CERS5: variants seen among roughly 807,000 people sequenced by gnomAD.
CERS5 encodes LAG1 homolog, ceramide synthase 5.
Under a neutral mutation model 58.9 loss-of-function variants are expected in CERS5, and 37 were observed. The ratio of observed to expected loss-of-function variants is 0.63; its 90% CI spans 0.48 to 0.83. The LOEUF (loss-of-function observed/expected upper bound fraction) is 0.83, where lower values mean the gene tolerates loss of function less well. Among genes scored for constraint, CERS5 ranks in the 40% least tolerant of loss-of-function variants. The pLI is 0.00. For synonymous variants in CERS5, 147 were observed against 177.8 expected (o/e 0.83, Z 1.38); for missense variants, 398 against 489.3 (o/e 0.81, Z 1.76).
intron 1 of CERS5, chr12:50,166,261 C>T (rs1277471038): frequency 1.9e-5 from 3 of 157,886 alleles, no homozygotes; most frequent in East Asian, 1.9e-4. Flanking sequence ...AGGCGGAGGT[C>T]GCGGTAAGCC....
In CERS5 at chr12:50,129,298, ATTT is replaced by A. The variant is rs1291645934; in HGVS notation, c.*1244_*1246del. 1 of 152,104 alleles carries A rather than the reference ATTT, an allele frequency of 6.6e-6. No homozygotes were observed. The highest frequency in any genetic ancestry group is 1.5e-5 in the Non-Finnish European group (1 of 68,018). 9.4% of individuals were successfully genotyped at this position (152,104 alleles called of 1,614,324 possible). A position where few individuals can be genotyped will look rare whatever the true frequency, so the allele number is the denominator to read the frequency against. ...TGTAATGAGTCATGTGTTAGTTATTATTTTTATTATTGTTTTATCCAATTGCAT... is the reference window on the plus strand; with the variant it reads ...TGTAATGAGTCATGTGTTAGTTATTATTATTATTGTTTTATCCAATTGCAT... On this transcript the variant is annotated 3_prime_UTR_variant, in exon 10 of 10. Coordinates refer to ENST00000317551, the MANE Select transcript of CERS5 (RefSeq NM_147190.5).
At chr12:50,151,298 G>T (rs1363609112) in intron 1 of CERS5, among the ~76,000 whole-genome samples, 1 of 152,090 alleles carries the variant, frequency 6.6e-6, no homozygotes, top group Non-Finnish European at 1.5e-5. Context: ...TATCTTACTT[G>T]ACCTTTCAGC....
In CERS5 at chr12:50,129,292, GTTA is replaced by G. The variant is rs1207670235; in HGVS notation, c.*1250_*1252del. 4 of 152,074 alleles carry G rather than the reference GTTA, an allele frequency of 2.6e-5. No homozygotes were observed. The highest frequency in any genetic ancestry group is 2.4e-5 in the African/African-American group (1 of 41,406). The allele number at this position is 152,074 out of a possible 1,614,324, so 9.4% of individuals were successfully genotyped here. ...CTAGCATGTAATGAGTCATGTGTTAGTTATTATTTTTATTATTGTTTTATCCAA... is the reference window on the plus strand; with the variant it reads ...CTAGCATGTAATGAGTCATGTGTTAGTTATTTTTATTATTGTTTTATCCAA... On this transcript the variant is annotated 3_prime_UTR_variant, in exon 10 of 10. Transcript: ENST00000317551.
At chr12:50,151,999 C>A (rs1218687941) in intron 1 of CERS5, among the ~76,000 whole-genome samples, 2 of 152,168 alleles carry the variant, frequency 1.3e-5, no homozygotes, top group African/African-American at 4.8e-5. Flanking sequence ...CCTCTATCTC[C>A]TTTGCAGTTT....
intron 1 of CERS5, among the ~76,000 whole-genome samples, chr12:50,147,597 T>C (rs1952363422): frequency 6.6e-6 from 1 of 152,088 alleles, no homozygotes; most frequent in African/African-American, 2.4e-5. Context: ...AAAAATCTAT[T>C]CTCTCTCATG....
chr12:50,146,771 C>T (rs1952296516), intron 1 of CERS5, among the ~76,000 whole-genome samples: 1 of 145,826 alleles, frequency 6.9e-6, no homozygotes, highest in Non-Finnish European at 1.5e-5. Flanking sequence ...GGCATGAACC[C>T]GGGAGGCGGA....
chr12:50,133,902 T>C (rs1214565859), intron 9 of CERS5: 1 of 266,148 alleles, frequency 3.8e-6, no homozygotes, highest in East Asian at 1.8e-4. Flanking sequence ...TGAAACCCCG[T>C]TTCTACTAAG....
At chr12:50,166,781 A>G (rs1361013151) in intron 1 of CERS5, among the ~76,000 whole-genome samples, 1 of 151,922 alleles carries the variant, frequency 6.6e-6, no homozygotes, top group African/African-American at 2.4e-5. Context: ...CTCACACTGA[A>G]CCTGTTTCCT....
Position 50,134,664 on chromosome 12 carries a change from A to T in CERS5, c.911T>A (p.Ile304Asn). 6.8e-6 allele frequency: 11 copies of T among 1,614,126 alleles called. No homozygotes were observed. The highest frequency in any genetic ancestry group is 9.3e-6 in the Non-Finnish European group (11 of 1,180,028). The change falls in exon 9 of 10, where the codon ATC becomes AAC. Residue 304 changes from isoleucine to asparagine, a missense_variant. This residue lies in a region of CERS5 where 328 missense variants were observed against 384.5 expected (regional missense o/e 0.85). Transcript: ENST00000317551. Reference sequence around the variant, plus strand: ...GAGCCACCATGAAGCATAAGGCCCGATTATCTCCCAACTCTCAAAGAGGGT... The same window carrying T: ...GAGCCACCATGAAGCATAAGGCCCGTTTATCTCCCAACTCTCAAAGAGGGT... ...NTTLFESWEI[I>N]GPYASWWLLN...
At chr12:50,134,397 T>C in intron 9 of CERS5, 149 bp downstream of exon 9, 1 of 1,586,376 alleles carries the variant, frequency 6.3e-7, no homozygotes, top group Non-Finnish European at 8.5e-7. Context: ...GCAAAACACT[T>C]ACCGAAGAGG....
intron 4 of CERS5, among the ~76,000 whole-genome samples, chr12:50,139,758 A>C (rs970191850): frequency 6.6e-6 from 1 of 152,122 alleles, no homozygotes; most frequent in African/African-American, 2.4e-5. Flanking sequence ...GTACCACTGC[A>C]CTCCAGCCTG....
In CERS5 at chr12:50,130,626, T is replaced by C. The variant is rs2137972193; in HGVS notation, c.1098A>G (p.Lys366=). 6.2e-7 allele frequency: 1 copy of C among 1,612,792 alleles called. No homozygotes were observed. Among genetic ancestry groups the C allele is most frequent in the East Asian group, 2.2e-5 (1 of 44,868 alleles). ...SEEEDVTTCT[K]SPCDSSSSNG... ...TGCTGGAGCTACTGTCACAGGGACT[T>C]TTTGTGCAGGTGGTCACATCTTCTT... Residue 366 remains lysine (K), a synonymous_variant, in exon 10 of 10, where the codon AAA becomes AAG. Coordinates refer to ENST00000317551, the MANE Select transcript of CERS5 (RefSeq NM_147190.5).
intron 1 of CERS5, among the ~76,000 whole-genome samples, chr12:50,152,275 T>C (rs1291384237): frequency 6.6e-6 from 1 of 152,250 alleles, no homozygotes; most frequent in Non-Finnish European, 1.5e-5. Flanking sequence ...TAAAACATTA[T>C]GGTACTTTAG....
intron 1 of CERS5, among the ~76,000 whole-genome samples, chr12:50,159,936 GAAAC>G (rs930481061): frequency 2.4e-4 from 36 of 152,110 alleles, no homozygotes; most frequent in African/African-American, 7.2e-4. Flanking sequence ...AAGTGAAAAA[GAAAC>G]AAGTGAAATT....
At chr12:50,147,617 T>C (rs537599714) in intron 1 of CERS5, among the ~76,000 whole-genome samples, 1 of 152,294 alleles carries the variant, frequency 6.6e-6, no homozygotes, top group African/African-American at 2.4e-5. Flanking sequence ...GAGAGTACAG[T>C]GGAACTTTCC....
At chr12:50,131,992 C>T (rs1951352715) in intron 9 of CERS5, among the ~76,000 whole-genome samples, 1 of 151,988 alleles carries the variant, frequency 6.6e-6, no homozygotes, top group Non-Finnish European at 1.5e-5. Context: ...GTAGTCCTAG[C>T]TACTTGGGAG....
chr12:50,140,233 T>C (rs552174555), intron 4 of CERS5, among the ~76,000 whole-genome samples: 9 of 152,042 alleles, frequency 5.9e-5, no homozygotes, highest in African/African-American at 2.2e-4. Context: ...TCTTCTCTTG[T>C]GATTTTTTAT....
chr12:50,161,411 A>G (rs184634853), intron 1 of CERS5, among the ~76,000 whole-genome samples: 42 of 152,330 alleles, frequency 2.8e-4, no homozygotes, highest in African/African-American at 9.9e-4. Flanking sequence ...TTCCTGAAAC[A>G]CAAATAGAGA....
intron 1 of CERS5, chr12:50,165,796 A>C: frequency 3.4e-6 from 1 of 290,686 alleles, no homozygotes; most frequent in South Asian, 2.7e-5. Context: ...CAAAACGAAC[A>C]GATGTCCAAG....
Sources: allele counts gnomAD v4.1 joint callset (sites outside exome capture counted in the v4.1 genomes callset), GRCh38; gene constraint gnomAD v4.1.1; regional missense constraint gnomAD v4.1.1; transcripts MANE v1.5; gene names NCBI Gene and HGNC (gene_info 2026-07-23, HGNC 2026-07-21).